STK3: variants seen among roughly 807,000 people sequenced by gnomAD.
The protein encoded by STK3 is serine/threonine-protein kinase 3.
In STK3, 41 loss-of-function variants were observed where a neutral mutation model predicts 58.0. That is an observed-to-expected ratio of 0.71 (90% CI 0.55 to 0.92). The LOEUF (loss-of-function observed/expected upper bound fraction) is 0.92, where lower values mean the gene tolerates loss of function less well. STK3 is among the 40% of genes least tolerant of loss of function. The pLI is 0.00. For missense variants in STK3, 479 were observed against 602.7 expected (o/e 0.79, Z 2.15); for synonymous variants, 170 against 191.0 (o/e 0.89, Z 0.91).
chr8:98,889,267 T>C (rs1838108327), intron 1 of STK3, among the ~76,000 whole-genome samples: 1 of 152,134 alleles, frequency 6.6e-6, no homozygotes. Flanking sequence ...AAAGATAAAA[T>C]GCATGGGCTT....
intron 6 of STK3, among the ~76,000 whole-genome samples, chr8:98,649,572 G>T (rs1350542226): frequency 6.6e-6 from 1 of 152,118 alleles, no homozygotes; most frequent in Non-Finnish European, 1.5e-5. Context: ...TTCCCATTGA[G>T]CTCAAATTTT....
At chr8:98,544,678 A>G (rs1810558581) in intron 9 of STK3, among the ~76,000 whole-genome samples, 1 of 151,602 alleles carries the variant, frequency 6.6e-6, no homozygotes, top group South Asian at 2.1e-4. Context: ...ACACACACAC[A>G]CACACACACA....
At chr8:98,689,176 G>C (rs891340465) in intron 6 of STK3, among the ~76,000 whole-genome samples, 1 of 152,070 alleles carries the variant, frequency 6.6e-6, no homozygotes, top group African/African-American at 2.4e-5. Flanking sequence ...ATTAATTCCT[G>C]AAAACACAAA....
At chr8:98,891,276 AAG>A (rs1480043926) in intron 1 of STK3, among the ~76,000 whole-genome samples, 1 of 152,234 alleles carries the variant, frequency 6.6e-6, no homozygotes, top group African/African-American at 2.4e-5. Flanking sequence ...ACTTTCCTGA[AAG>A]AGTCTTTTAA....
At chr8:98,795,785 C>G (rs1234844010) in intron 1 of STK3, among the ~76,000 whole-genome samples, 1 of 149,796 alleles carries the variant, frequency 6.7e-6, no homozygotes, top group Non-Finnish European at 1.5e-5. Context: ...ATCCCATTTA[C>G]AATGGCCACA....
At chr8:98,859,328 T>C (rs1284281334) in intron 3 of STK3, among the ~76,000 whole-genome samples, 1 of 152,194 alleles carries the variant, frequency 6.6e-6, no homozygotes, top group Non-Finnish European at 1.5e-5. Context: ...TGATACTACA[T>C]TTTTATGGGG....
chr8:98,758,863 GT>G, intron 3 of STK3, among the ~76,000 whole-genome samples: 1 of 152,318 alleles, frequency 6.6e-6, no homozygotes, highest in African/African-American at 2.4e-5. Context: ...CAGCTTCTTT[GT>G]TTAAGCCTCA....
chr8:98,710,725 G>C (rs1826345802), intron 4 of STK3, among the ~76,000 whole-genome samples: 1 of 152,228 alleles, frequency 6.6e-6, no homozygotes, highest in South Asian at 2.1e-4. Flanking sequence ...GCAGGGCATA[G>C]CCAAACAAGG....
chr8:98,712,228 C>T (rs4440607), intron 4 of STK3, among the ~76,000 whole-genome samples: 46,477 of 151,984 alleles, frequency 0.31, 7,423 homozygotes, highest in Admixed American at 0.42. Flanking sequence ...TATCAACTAA[C>T]GAGCAAAATA....
chr8:98,477,333 A>G (rs542013925), intron 10 of STK3, among the ~76,000 whole-genome samples: 1 of 152,134 alleles, frequency 6.6e-6, no homozygotes, highest in African/African-American at 2.4e-5. Flanking sequence ...CTGTTGATCT[A>G]TCTATGTCAA....
chr8:98,638,107 C>G (rs1265623863), intron 6 of STK3, among the ~76,000 whole-genome samples: 1 of 151,998 alleles, frequency 6.6e-6, no homozygotes, highest in Non-Finnish European at 1.5e-5. Context: ...TATAATGTAA[C>G]TAAGTTAAAA....
chr8:98,809,440 T>C (rs2515218), intron 1 of STK3, among the ~76,000 whole-genome samples: 10,143 of 152,290 alleles, frequency 0.067, 461 homozygotes, highest in Non-Finnish European at 0.1. Flanking sequence ...AGAAGTCTTA[T>C]AAGTGTAGAA....
chr8:98,739,530 G>A (rs1828986114), intron 4 of STK3, among the ~76,000 whole-genome samples: 1 of 149,186 alleles, frequency 6.7e-6, no homozygotes, highest in South Asian at 2.1e-4. Flanking sequence ...CTGCAGCTGA[G>A]GGTCCTGTCT....
intron 2 of STK3, among the ~76,000 whole-genome samples, chr8:98,377,822 T>A (rs1049906030): frequency 6.6e-6 from 1 of 152,038 alleles, no homozygotes; most frequent in Non-Finnish European, 1.5e-5. Flanking sequence ...CCTCAGCCAC[T>A]CCCCTGTAGT....
At chr8:98,652,970 C>A (rs1472106791) in intron 6 of STK3, among the ~76,000 whole-genome samples, 6 of 152,176 alleles carry the variant, frequency 3.9e-5, no homozygotes, top group African/African-American at 2.4e-5. Flanking sequence ...CTCAGCTCTG[C>A]ACCAAGCGGA....
intron 6 of STK3, among the ~76,000 whole-genome samples, chr8:98,672,208 A>T (rs974674800): frequency 4.6e-5 from 7 of 151,826 alleles, no homozygotes; most frequent in Non-Finnish European, 1.0e-4. Context: ...CAGCCTCCCA[A>T]ATATGTAGAC....
chr8:98,495,426 G>A (rs1406051006), intron 10 of STK3, among the ~76,000 whole-genome samples: 2 of 151,950 alleles, frequency 1.3e-5, no homozygotes, highest in African/African-American at 4.8e-5. Context: ...GCAACCTAGA[G>A]GAGCTCTGAC....
intron 10 of STK3, among the ~76,000 whole-genome samples, chr8:98,466,634 G>A (rs1240320822): frequency 1.3e-5 from 2 of 152,106 alleles, no homozygotes; most frequent in African/African-American, 4.8e-5. Context: ...TTATGTAAAT[G>A]GTGACTTGTC....
chr8:98,596,814 G>A (rs573009855), intron 6 of STK3, among the ~76,000 whole-genome samples: 13 of 151,560 alleles, frequency 8.6e-5, no homozygotes, highest in African/African-American at 2.2e-4. Context: ...CTCATCTCTC[G>A]CCTCCTAGAT....
Sources: allele counts gnomAD v4.1 joint callset (sites outside exome capture counted in the v4.1 genomes callset), GRCh38; gene constraint gnomAD v4.1.1; transcripts MANE v1.5; gene names NCBI Gene and HGNC (gene_info 2026-07-23, HGNC 2026-07-21).